Variants in TOX2 observed in about 807,000 individuals in gnomAD.
The protein encoded by TOX2 is granulosa cell HMG box 1.
A neutral mutation model predicts 47.4 loss-of-function variants in TOX2; 15 were observed. That is an observed-to-expected ratio of 0.32 (90% confidence interval 0.21 to 0.49). The LOEUF (loss-of-function observed/expected upper bound fraction) is 0.49. Among genes scored for constraint, TOX2 ranks in the 20% least tolerant of loss-of-function variants. TOX2 has a pLI of 0.99. For synonymous variants in TOX2, 290 were observed against 296.6 expected (o/e 0.98, Z 0.23); for missense variants, 622 against 673.1 (o/e 0.92, Z 0.84).
At chr20:44,053,568 C>A (rs1012869982) in intron 4 of TOX2, among the ~76,000 whole-genome samples, 1 of 138,414 alleles carries the variant, frequency 7.2e-6, no homozygotes, top group African/African-American at 2.6e-5. Flanking sequence ...ACTATATATA[C>A]ACACACATAT....
chr20:44,006,404 C>A lies in TOX2; in HGVS notation c.166-143C>A, dbSNP rs1039456276. The A allele has an allele frequency of 6.8e-6, 9 of 1,331,824 alleles. No individual in the cohort carries two copies. In the South Asian group the frequency reaches 1.1e-4, roughly 17 times the overall value. 82.5% of individuals were successfully genotyped at this position (1,331,824 alleles called of 1,614,324 possible). A position where few individuals can be genotyped will look rare whatever the true frequency, so the allele number is the denominator to read the frequency against. On this transcript the variant is annotated intron_variant, in intron 2 of 8. Transcript: ENST00000341197. Reference sequence around the variant, plus strand: ...ACCGAGTTAGGGCACCGTCTTGACCCTCTGCCTTGCAGAAACATCATCCCT... The same window carrying A: ...ACCGAGTTAGGGCACCGTCTTGACCATCTGCCTTGCAGAAACATCATCCCT...
intron 1 of TOX2, among the ~76,000 whole-genome samples, chr20:43,953,274 A>G (rs80331039): frequency 0.033 from 4,997 of 152,204 alleles, 290 homozygotes; most frequent in African/African-American, 0.11. Context: ...ATTTGTGACA[A>G]CAGCCCTAGG....
intron 1 of TOX2, among the ~76,000 whole-genome samples, chr20:43,934,798 T>TTGTGTGTGTTTGTGTG (rs2069302917): frequency 6.8e-6 from 1 of 147,748 alleles, no homozygotes; most frequent in Non-Finnish European, 1.5e-5. Context: ...GTGTGTGTGT[T>TTGTGTGTGTTTGTGTG]TGTGTGTGTG....
chr20:44,048,262 T>C (rs1295875532), intron 3 of TOX2, among the ~76,000 whole-genome samples: 1 of 151,552 alleles, frequency 6.6e-6, no homozygotes, highest in African/African-American at 2.4e-5. Context: ...AAGGAAAATT[T>C]TAAAAAGCAA....
At chr20:44,015,230 C>G (rs2070859521) in intron 3 of TOX2, among the ~76,000 whole-genome samples, 1 of 152,144 alleles carries the variant, frequency 6.6e-6, no homozygotes, top group African/African-American at 2.4e-5. Flanking sequence ...CTCCTGGCCC[C>G]TGTTTTTCAG....
intron 3 of TOX2, among the ~76,000 whole-genome samples, chr20:44,036,029 A>G (rs938577675): frequency 2.0e-5 from 3 of 152,118 alleles, no homozygotes; most frequent in Non-Finnish European, 4.4e-5. Context: ...GTGAATGTAG[A>G]CCACCCCTTG....
chr20:43,937,758 T>G (rs6103521), intron 1 of TOX2, among the ~76,000 whole-genome samples: 42,809 of 152,026 alleles, frequency 0.28, 9,938 homozygotes, highest in African/African-American at 0.62. Context: ...CCCATGCGGA[T>G]CTGCCTGCCC....
chr20:44,041,872 G>C (rs550984139), intron 3 of TOX2, among the ~76,000 whole-genome samples: 100 of 152,272 alleles, frequency 6.6e-4, no homozygotes, highest in Admixed American at 1.4e-3. Flanking sequence ...AAAATCCGTA[G>C]TTCTAAAGAG....
At chr20:43,976,771 C>T (rs151222193) in intron 2 of TOX2, among the ~76,000 whole-genome samples, 123 of 139,262 alleles carry the variant, frequency 8.8e-4, no homozygotes, top group African/African-American at 3.2e-3. Flanking sequence ...ACTCACAACG[C>T]GAGCGCGCGC....
chr20:43,968,687 G>C (rs1442843585), intron 1 of TOX2, among the ~76,000 whole-genome samples: 1 of 152,206 alleles, frequency 6.6e-6, no homozygotes, highest in African/African-American at 2.4e-5. Context: ...GAAGATGAAG[G>C]CCTGGCTTTT....
At chr20:44,052,342 A>G (rs2071528732) in intron 4 of TOX2, among the ~76,000 whole-genome samples, 1 of 152,232 alleles carries the variant, frequency 6.6e-6, no homozygotes, top group African/African-American at 2.4e-5. Context: ...CCAGGGAGGA[A>G]AACAGAGGCC....
At chr20:44,059,132 C>G (rs1476837927) in intron 5 of TOX2, among the ~76,000 whole-genome samples, 1 of 152,106 alleles carries the variant, frequency 6.6e-6, no homozygotes, top group East Asian at 1.9e-4. Flanking sequence ...AAGAATTATA[C>G]AGCATATGAA....
chr20:43,971,961 G>A (rs1053646561), intron 1 of TOX2, among the ~76,000 whole-genome samples: 1 of 152,202 alleles, frequency 6.6e-6, no homozygotes, highest in East Asian at 1.9e-4. Context: ...GGGAGGTGGG[G>A]TGGTGTTGCT....
intron 2 of TOX2, among the ~76,000 whole-genome samples, chr20:43,981,667 G>C (rs2070171217): frequency 6.6e-6 from 1 of 152,128 alleles, no homozygotes; most frequent in East Asian, 1.9e-4. Flanking sequence ...GAAGGAGAGA[G>C]TCAGTTAGCT....
rs1194002013 is a variant in TOX2, at chr20:44,052,469, G to T, written c.651+924G>T. Among the ~76,000 whole-genome samples, 6 of 152,280 alleles carry T rather than the reference G, an allele frequency of 3.9e-5. No individual in the cohort carries two copies. In the South Asian group the frequency reaches 1.2e-3, roughly 32 times the overall value. On this transcript the variant is annotated intron_variant, in intron 4 of 8. Coordinates refer to ENST00000341197, the MANE Select transcript of TOX2 (RefSeq NM_001098797.2). ...TGTCGATCCAGTGTCCTTTCCACGT[G>T]GTGGCCTCCCGAGGCCTAGGGCAGT...
intron 5 of TOX2, among the ~76,000 whole-genome samples, chr20:44,064,047 G>A (rs1237584525): frequency 6.6e-6 from 1 of 152,198 alleles, no homozygotes; most frequent in Admixed American, 6.5e-5. Flanking sequence ...ATCAGGTACA[G>A]TGTACACTGC....
At chr20:43,977,950 G>C (rs1489788221) in intron 2 of TOX2, among the ~76,000 whole-genome samples, 1 of 152,182 alleles carries the variant, frequency 6.6e-6, no homozygotes, top group African/African-American at 2.4e-5. Context: ...AGCAGACCTG[G>C]ATTCAAATTC....
intron 2 of TOX2, among the ~76,000 whole-genome samples, chr20:44,000,583 G>T (rs1326687241): frequency 6.6e-6 from 1 of 152,142 alleles, no homozygotes; most frequent in Non-Finnish European, 1.5e-5. Flanking sequence ...TCAGGGGAAG[G>T]TCTGGCTCGG....
chr20:44,030,203 A>T (rs1326868677), intron 3 of TOX2, among the ~76,000 whole-genome samples: 1 of 151,950 alleles, frequency 6.6e-6, no homozygotes, highest in South Asian at 2.1e-4. Context: ...CTCTTCTCCT[A>T]TGTAAGCAGC....
Sources: allele counts gnomAD v4.1 joint callset (sites outside exome capture counted in the v4.1 genomes callset), GRCh38; gene constraint gnomAD v4.1.1; transcripts MANE v1.5; gene names NCBI Gene and HGNC (gene_info 2026-07-23, HGNC 2026-07-21).